The following EXOC4 variants were observed in gnomAD, a reference collection of about 807,000 sequenced individuals.
The protein encoded by EXOC4 is exocyst complex component 4, also known as SEC8-like 1.
Under a neutral mutation model 107.2 loss-of-function variants are expected in EXOC4, and 71 were observed. The observed-to-expected ratio is 0.66, with a 90% CI of 0.55 to 0.81. The LOEUF is 0.81. Ranked by LOEUF, EXOC4 falls within the 30% of genes least tolerant of loss-of-function variation. EXOC4 has a pLI of 0.00. For missense variants in EXOC4, 1,108 were observed against 1,189.6 expected (o/e 0.93, Z 1.01); for synonymous variants, 456 against 441.2 (o/e 1.03, Z -0.42).
intron 13 of EXOC4, among the ~76,000 whole-genome samples, chr7:133,931,872 A>G (rs1800184035): frequency 6.6e-6 from 1 of 152,312 alleles, no homozygotes; most frequent in South Asian, 2.1e-4. Flanking sequence ...GGTGTCTGCA[A>G]TTTACTCTCT....
chr7:133,272,253 A>G (rs1471162016), intron 1 of EXOC4, among the ~76,000 whole-genome samples: 1 of 152,190 alleles, frequency 6.6e-6, no homozygotes, highest in East Asian at 1.9e-4. Context: ...ATTCTAACCC[A>G]GGCAGCTTTA....
At chr7:134,029,342 G>T (rs923122633) in intron 17 of EXOC4, among the ~76,000 whole-genome samples, 1 of 152,042 alleles carries the variant, frequency 6.6e-6, no homozygotes, top group Non-Finnish European at 1.5e-5. Flanking sequence ...AAGAAACCAC[G>T]CACTTTATAA....
At chr7:133,460,986 A>C (rs907555865) in intron 7 of EXOC4, among the ~76,000 whole-genome samples, 1 of 152,172 alleles carries the variant, frequency 6.6e-6, no homozygotes, top group Non-Finnish European at 1.5e-5. Flanking sequence ...AAGTCCAAAT[A>C]ATCATCTGTG....
At chr7:133,984,224 G>A (rs1003383046) in intron 14 of EXOC4, among the ~76,000 whole-genome samples, 6 of 152,234 alleles carry the variant, frequency 3.9e-5, no homozygotes, top group East Asian at 1.9e-4. Flanking sequence ...GAGCTGTGCA[G>A]TGTGTAGTGT....
intron 9 of EXOC4, among the ~76,000 whole-genome samples, chr7:133,506,909 T>G (rs1799677190): frequency 6.6e-6 from 1 of 152,114 alleles, no homozygotes; most frequent in Non-Finnish European, 1.5e-5. Context: ...CTTTCCTATT[T>G]TTATTGGACT....
rs1362852854 is a variant in EXOC4, at chr7:133,854,407, A to AGCGC, written c.1734+36865_1734+36866insGCGC. Among the ~76,000 whole-genome samples, 15 of 107,992 alleles carry AGCGC rather than the reference A, an allele frequency of 1.4e-4. 1 individual carries two copies. The highest frequency in any genetic ancestry group is 4.1e-4 in the African/African-American group (11 of 26,808). The allele number at this position is 107,992 out of a possible 152,430, so 70.8% of individuals were successfully genotyped here. ...CTCAACTGGGCTCAGTTGTTGAAAG[A>AGCGC]GCACACACACACACACACACACACA... is the stretch of plus-strand genomic sequence containing the variant. On this transcript the variant is annotated intron_variant, in intron 11 of 17. Transcript: ENST00000253861.
intron 10 of EXOC4, among the ~76,000 whole-genome samples, chr7:133,715,822 T>G (rs1031503065): frequency 1.3e-5 from 2 of 152,138 alleles, no homozygotes; most frequent in African/African-American, 4.8e-5. Context: ...CACTCCTAAA[T>G]TCTCATGAGT....
At chr7:133,589,381 C>T (rs182110468) in intron 9 of EXOC4, among the ~76,000 whole-genome samples, 21 of 152,186 alleles carry the variant, frequency 1.4e-4, no homozygotes, top group Admixed American at 3.3e-4. Context: ...GTGCTCTTCA[C>T]CTGTCCATTT....
chr7:133,794,428 C>A (rs1796770825), intron 10 of EXOC4, among the ~76,000 whole-genome samples: 1 of 152,148 alleles, frequency 6.6e-6, no homozygotes, highest in Admixed American at 6.5e-5. Flanking sequence ...ACCTGGCCTC[C>A]TTAGTGAGCC....
rs1240255299 is a variant in EXOC4, at chr7:133,637,509, T to C, written c.1514+7368T>C. 3.9e-5 allele frequency among the ~76,000 whole-genome samples: 6 copies of C among 152,298 alleles called. No homozygotes were observed. The East Asian group carries it at 7.7e-4, about 20-fold the overall frequency. On this transcript the variant is annotated intron_variant, in intron 10 of 17. Transcript: ENST00000253861. The stretch of plus-strand genomic sequence containing the variant: ...AAGCCTATGTAGACATTTTGAAAGA[T>C]GTTAGTGATTAGACAGCCTAGCAAA...
intron 10 of EXOC4, among the ~76,000 whole-genome samples, chr7:133,718,140 G>A (rs1248390582): frequency 6.6e-6 from 1 of 152,184 alleles, no homozygotes; most frequent in Non-Finnish European, 1.5e-5. Context: ...GGTTTTACTG[G>A]TGAAAGGGAA....
intron 7 of EXOC4, among the ~76,000 whole-genome samples, chr7:133,377,562 T>C (rs1796516705): frequency 6.6e-6 from 1 of 151,968 alleles, no homozygotes; most frequent in African/African-American, 2.4e-5. Context: ...AATTATGTGG[T>C]TTACAGGTAC....
chr7:133,736,255 C>T (rs1368990090), intron 10 of EXOC4, among the ~76,000 whole-genome samples: 2 of 152,206 alleles, frequency 1.3e-5, no homozygotes, highest in African/African-American at 4.8e-5. Flanking sequence ...TGTTCCTTTT[C>T]TCTACTTTAA....
intron 1 of EXOC4, among the ~76,000 whole-genome samples, chr7:133,274,097 G>A (rs1431362034): frequency 3.9e-5 from 6 of 152,192 alleles, no homozygotes. Context: ...TTTTTAATAA[G>A]TATATCTATC....
rs1802192482 is a variant in EXOC4, at chr7:133,616,267, GT to G, written c.1418-13777del. On this transcript the variant is annotated intron_variant, in intron 9 of 17. Transcript: ENST00000253861. ...AATAGCTTTGCTTGTAATTTTGTGT[GT>G]GCTCTTTTTTATACCCTTTTTATAC... 2.0e-5 allele frequency among the ~76,000 whole-genome samples: 3 copies of G among 151,948 alleles called. No individual in the cohort carries two copies. The South Asian group carries it at 6.2e-4, about 32-fold the overall frequency.
intron 9 of EXOC4, among the ~76,000 whole-genome samples, chr7:133,548,603 C>T (rs1800528287): frequency 6.6e-6 from 1 of 152,192 alleles, no homozygotes; most frequent in Non-Finnish European, 1.5e-5. Context: ...GCACTTGCTG[C>T]TTCACCTTGC....
At chr7:133,458,660 G>T (rs1025475280) in intron 7 of EXOC4, among the ~76,000 whole-genome samples, 1 of 152,200 alleles carries the variant, frequency 6.6e-6, no homozygotes, top group African/African-American at 2.4e-5. Flanking sequence ...GGACACCAGA[G>T]AAATTTTTGA....
intron 10 of EXOC4, among the ~76,000 whole-genome samples, chr7:133,766,886 C>T (rs1304266042): frequency 6.6e-6 from 1 of 151,870 alleles, no homozygotes; most frequent in African/African-American, 2.4e-5. Flanking sequence ...AATTGAACTC[C>T]CAGTGGAGTT....
chr7:133,486,882 TAATA>T (rs1203492692), intron 9 of EXOC4, among the ~76,000 whole-genome samples: 11 of 152,328 alleles, frequency 7.2e-5, no homozygotes, highest in African/African-American at 1.7e-4. Flanking sequence ...ACATTGTAAC[TAATA>T]AATATACTTT....
Sources: gnomAD v4.1 joint callset for allele counts (sites outside exome capture counted in the v4.1 genomes callset) on GRCh38, gnomAD v4.1.1 for gene constraint, MANE v1.5 for transcripts, NCBI Gene and HGNC (gene_info 2026-07-23, HGNC 2026-07-21) for gene names.